The following VPS54 variants were observed in gnomAD, a reference collection of about 807,000 sequenced individuals.
The protein encoded by VPS54 is VPS54 subunit of GARP complex, also known as vacuolar protein sorting-associated protein 54.
VPS54 carries 45 observed loss-of-function variants against 121.5 expected under a neutral mutation model. That is an observed-to-expected ratio of 0.37 (90% confidence interval 0.29 to 0.47). VPS54 has a LOEUF of 0.47. Among genes scored for constraint, VPS54 ranks in the 20% least tolerant of loss-of-function variants. The pLI, the probability that VPS54 is intolerant of heterozygous loss-of-function variation, is 0.99. For synonymous variants in VPS54, 371 were observed against 385.8 expected (o/e 0.96, Z 0.45); for missense variants, 1,090 against 1,131.4 (o/e 0.96, Z 0.52).
intron 11 of VPS54, among the ~76,000 whole-genome samples, chr2:63,935,006 C>CT (rs979518309): frequency 5.6e-4 from 85 of 152,172 alleles, no homozygotes; most frequent in Non-Finnish European, 1.1e-3. Context: ...GAAGCAGACT[C>CT]TAACTTCGGG....
intron 1 of VPS54, among the ~76,000 whole-genome samples, chr2:64,014,022 C>A (rs769195830): frequency 2.0e-5 from 3 of 148,428 alleles, no homozygotes; most frequent in African/African-American, 7.3e-5. Flanking sequence ...GAAACCCTGT[C>A]TCCACTTAAA....
chr2:64,016,288 T>C (rs1394989624), intron 1 of VPS54, among the ~76,000 whole-genome samples: 1 of 152,226 alleles, frequency 6.6e-6, no homozygotes, highest in Non-Finnish European at 1.5e-5. Context: ...AGTGTATCAG[T>C]TATTTACAAC....
intron 15 of VPS54, among the ~76,000 whole-genome samples, chr2:63,919,024 A>G (rs1352782287): frequency 6.6e-6 from 1 of 152,046 alleles, no homozygotes; most frequent in Non-Finnish European, 1.5e-5. Context: ...TACAATTTAA[A>G]ACTTTGATTA....
At chr2:63,894,774 A>G (rs1672374896) in intron 22 of VPS54, among the ~76,000 whole-genome samples, 1 of 152,224 alleles carries the variant, frequency 6.6e-6, no homozygotes, top group Non-Finnish European at 1.5e-5. Flanking sequence ...ATATATCAAC[A>G]TAGATAAATC....
At chr2:64,017,771 G>A in intron 1 of VPS54, among the ~76,000 whole-genome samples, 1 of 152,150 alleles carries the variant, frequency 6.6e-6, no homozygotes, top group African/African-American at 2.4e-5. Context: ...TTTAAAAATA[G>A]CCAAATTACA....
intron 11 of VPS54, among the ~76,000 whole-genome samples, chr2:63,940,943 G>C (rs1306208349): frequency 1.3e-5 from 2 of 152,188 alleles, no homozygotes; most frequent in Non-Finnish European, 2.9e-5. Context: ...TCTAAATTAA[G>C]CACAGTGAAT....
rs928968871 is a variant in VPS54 at position 63,921,216 on chromosome 2, G to A, written c.1859C>T (p.Ser620Leu). 6 of 1,607,284 alleles carry A rather than the reference G, an allele frequency of 3.7e-6. No individual in the cohort carries two copies. In the African/African-American group the frequency reaches 6.7e-5, roughly 18 times the overall value. Residue 620 changes from serine to leucine, a missense_variant, in exon 13 of 23, where the codon TCA becomes TTA. By Grantham distance (145) the Ser-to-Leu change is moderately radical. This residue lies in a region of VPS54 where 801 missense variants were observed against 757.0 expected (regional missense o/e 1.06). Transcript: ENST00000272322. ...CHDRAVKFLMSRAKDGFLEKL... is the reference protein window; with the variant it reads ...CHDRAVKFLMLRAKDGFLEKL... ...TATGAAAATAGCTACCTTTGCTCTT[G>A]ACATGAGAAATTTGACAGCTCGATC...
rs572969357 is a variant in VPS54, at chr2:63,947,604, A to C, written c.1138-114T>G. ...TGATCCTCAGATCTCTATCCTGCAC[A>C]AAGTATTTTCTAGCAGCCTGAAAAC... On this transcript the variant is annotated intron_variant, in intron 8 of 22. Coordinates refer to ENST00000272322, the MANE Select transcript of VPS54 (RefSeq NM_016516.3). 7.5e-6 allele frequency: 7 copies of C among 933,928 alleles called. No homozygotes were observed. In the South Asian group the frequency reaches 1.6e-4, roughly 21 times the overall value. The allele number at this position is 933,928 out of a possible 1,614,324, so 57.9% of individuals were successfully genotyped here.
intron 3 of VPS54, among the ~76,000 whole-genome samples, chr2:63,973,566 T>C (rs1350626267): frequency 1.3e-5 from 2 of 152,188 alleles, no homozygotes; most frequent in Non-Finnish European, 2.9e-5. Flanking sequence ...CAGTCCCTTT[T>C]TGTTTTTTGA....
intron 7 of VPS54, among the ~76,000 whole-genome samples, chr2:63,955,682 T>C (rs1179515923): frequency 6.6e-6 from 1 of 152,028 alleles, no homozygotes; most frequent in Middle Eastern, 3.2e-3. Context: ...TATTTTATAA[T>C]CACAGGTATT....
chr2:64,019,280 AGCC>A lies in VPS54; in HGVS notation c.-366_-364del. On this transcript the variant is annotated 5_prime_UTR_variant, in exon 1 of 23. Transcript: ENST00000272322. The stretch of plus-strand genomic sequence containing the variant: ...CTCCCACATCCCCGGCCTCCAGGGG[AGCC>A]GCCGCCGCCGCGCCACGACCACTGC... Among the ~76,000 whole-genome samples the A allele has an allele frequency of 6.8e-6, 1 of 147,784 alleles. No individual in the cohort carries two copies.
At chr2:64,009,495 T>C (rs1282816177) in intron 1 of VPS54, among the ~76,000 whole-genome samples, 4 of 152,112 alleles carry the variant, frequency 2.6e-5, no homozygotes, top group Non-Finnish European at 5.9e-5. Flanking sequence ...TTTGTATTTT[T>C]AGTATAGACA....
chr2:63,920,355 C>T, intron 14 of VPS54, 91 bp downstream of exon 14: 1 of 1,232,022 alleles, frequency 8.1e-7, no homozygotes, highest in Non-Finnish European at 1.1e-6. Flanking sequence ...GGCATTTTCA[C>T]TGGCCAATTA....
At chr2:64,002,510 G>A (rs1213089668) in intron 1 of VPS54, among the ~76,000 whole-genome samples, 13 of 152,136 alleles carry the variant, frequency 8.5e-5, no homozygotes. Flanking sequence ...AACATCCATT[G>A]CTTAATGTCA....
chr2:63,894,644 A>G (rs1441536003), intron 22 of VPS54, among the ~76,000 whole-genome samples: 3 of 151,842 alleles, frequency 2.0e-5, no homozygotes, highest in African/African-American at 4.8e-5. Context: ...TTGAGGCTGC[A>G]GTGAGCCATG....
intron 1 of VPS54, among the ~76,000 whole-genome samples, chr2:63,988,772 A>T (rs893039265): frequency 4.6e-5 from 7 of 152,146 alleles, no homozygotes; most frequent in Non-Finnish European, 1.0e-4. Flanking sequence ...TAAAGCATGT[A>T]TGTTTGAACA....
intron 7 of VPS54, among the ~76,000 whole-genome samples, chr2:63,954,969 T>C (rs1301725114): frequency 6.6e-6 from 1 of 151,962 alleles, no homozygotes; most frequent in Non-Finnish European, 1.5e-5. Context: ...CTGATTACAA[T>C]AAACACACCA....
At chr2:64,007,523 T>C (rs1164303883) in intron 1 of VPS54, among the ~76,000 whole-genome samples, 1 of 152,226 alleles carries the variant, frequency 6.6e-6, no homozygotes, top group Non-Finnish European at 1.5e-5. Flanking sequence ...AAGAATTAAC[T>C]ACTTTAAAAG....
At chr2:63,918,448 G>A (rs565860142) in intron 15 of VPS54, among the ~76,000 whole-genome samples, 3 of 148,054 alleles carry the variant, frequency 2.0e-5, no homozygotes, top group Admixed American at 1.4e-4. Flanking sequence ...TGAGTGATAA[G>A]TCTTATAATT....
Sources: gnomAD v4.1 joint callset for allele counts (sites outside exome capture counted in the v4.1 genomes callset) on GRCh38, gnomAD v4.1.1 for gene constraint, gnomAD v4.1.1 regional missense constraint, MANE v1.5 for transcripts, NCBI Gene and HGNC (gene_info 2026-07-23, HGNC 2026-07-21) for gene names.